CIMAP1D: variants seen among roughly 807,000 people sequenced by gnomAD.
CIMAP1D encodes the protein CIMAP1 family member D.
chr19:474,122 C>T, the CIMAP1D span, among the ~76,000 whole-genome samples: 2 of 152,156 alleles, frequency 1.3e-5, no homozygotes, highest in African/African-American at 4.8e-5. Context: ...GGAGAGACCA[C>T]AGAACCAGCC....
the CIMAP1D span, among the ~76,000 whole-genome samples, chr19:482,325 G>A: frequency 5.9e-5 from 9 of 152,218 alleles, no homozygotes; most frequent in African/African-American, 1.9e-4. Flanking sequence ...ACGCTGTGTC[G>A]GGCAGCACAG....
the CIMAP1D span, among the ~76,000 whole-genome samples, chr19:479,417 G>T: frequency 2.0e-5 from 3 of 147,648 alleles, no homozygotes; most frequent in Non-Finnish European, 1.5e-5. Context: ...TTTTTGGGGG[G>T]GGGGGGGATG....
At chr19:469,016 G>C in the CIMAP1D span, among the ~76,000 whole-genome samples, 1 of 152,068 alleles carries the variant, frequency 6.6e-6, no homozygotes, top group Non-Finnish European at 1.5e-5. Flanking sequence ...CACGGCTCCA[G>C]ACCTCCCCGC....
the CIMAP1D span, among the ~76,000 whole-genome samples, chr19:478,035 G>T: frequency 9.1e-4 from 139 of 152,264 alleles, no homozygotes; most frequent in African/African-American, 3.2e-3. Flanking sequence ...GGTCACGAGG[G>T]CCCCCAGCCC....
chr19:464,140 C>CGGGGGGGGTGGGGGGGGGG, the CIMAP1D span: 1 of 796,576 alleles, frequency 1.3e-6, no homozygotes, highest in South Asian at 4.0e-5. Context: ...GGGGGGCGGG[C>CGGGGGGGGTGGGGGGGGGG]GGGGGGGGTG....
chr19:466,448 G>C, the CIMAP1D span, among the ~76,000 whole-genome samples: 1 of 148,616 alleles, frequency 6.7e-6, no homozygotes, highest in Non-Finnish European at 1.5e-5. Flanking sequence ...TAGATGGCTG[G>C]ATGGGTGGGT....
chr19:482,969 T>G, the CIMAP1D span, among the ~76,000 whole-genome samples: 1 of 152,212 alleles, frequency 6.6e-6, no homozygotes, highest in South Asian at 2.1e-4. Flanking sequence ...TTAGACACTG[T>G]GTGGTCCCTG....
At chr19:467,409 C>T in the CIMAP1D span, among the ~76,000 whole-genome samples, 1 of 152,060 alleles carries the variant, frequency 6.6e-6, no homozygotes, top group Non-Finnish European at 1.5e-5. Context: ...GGCCAGCTGC[C>T]TCTGTGGCCA....
At chr19:474,347 G>T in the CIMAP1D span, among the ~76,000 whole-genome samples, 3 of 152,186 alleles carry the variant, frequency 2.0e-5, no homozygotes, top group Non-Finnish European at 4.4e-5. Context: ...CCGCATGATC[G>T]CTGTGGCTTT....
At chr19:476,980 G>A in the CIMAP1D span, among the ~76,000 whole-genome samples, 1 of 152,228 alleles carries the variant, frequency 6.6e-6, no homozygotes, top group African/African-American at 2.4e-5. Flanking sequence ...GCCAAGGCAA[G>A]CAGATTGCTT....
At chr19:480,707 AGAAGGAATGTGGG>A in the CIMAP1D span, among the ~76,000 whole-genome samples, 3 of 140,256 alleles carry the variant, frequency 2.1e-5, no homozygotes, top group South Asian at 2.4e-4. Context: ...ACGATGATGG[AGAAGGAATGTGGG>A]AAGGATGATG....
At chr19:478,685 G>C in the CIMAP1D span, among the ~76,000 whole-genome samples, 1 of 152,288 alleles carries the variant, frequency 6.6e-6, no homozygotes, top group Non-Finnish European at 1.5e-5. Context: ...CTCGACAGAA[G>C]AGACTAAATC....
chr19:479,826 A>G, the CIMAP1D span, among the ~76,000 whole-genome samples: 3,504 of 132,250 alleles, frequency 0.026, 65 homozygotes, highest in South Asian at 0.11. Flanking sequence ...GTGAGCCACC[A>G]TGCCCGGCCC....
At chr19:477,295 C>T in the CIMAP1D span, among the ~76,000 whole-genome samples, 1 of 152,158 alleles carries the variant, frequency 6.6e-6, no homozygotes, top group Non-Finnish European at 1.5e-5. Context: ...ATCCCTTGGC[C>T]GGGCACTGTG....
At chr19:467,130 G>A in the CIMAP1D span, among the ~76,000 whole-genome samples, 9 of 139,856 alleles carry the variant, frequency 6.4e-5, no homozygotes, top group Non-Finnish European at 7.7e-5. Flanking sequence ...GTGGATGGGC[G>A]GGTGGATAGA....
chr19:486,295 T>A, the CIMAP1D span, among the ~76,000 whole-genome samples: 1 of 152,154 alleles, frequency 6.6e-6, no homozygotes, highest in Non-Finnish European at 1.5e-5. Context: ...TCTGGCTGCG[T>A]TGGTCCCTCC....
the CIMAP1D span, among the ~76,000 whole-genome samples, chr19:481,050 GAAGGATGATGGA>G: frequency 3.4e-5 from 5 of 146,422 alleles, no homozygotes; most frequent in South Asian, 2.3e-4. Context: ...GGATGATGGG[GAAGGATGATGGA>G]AAGGATGATG....
chr19:480,431 TGGATGACAGGAA>T, the CIMAP1D span, among the ~76,000 whole-genome samples: 1 of 147,960 alleles, frequency 6.8e-6, no homozygotes, highest in Non-Finnish European at 1.5e-5. Flanking sequence ...ATGATGAGGA[TGGATGACAGGAA>T]GGATGATAGG....
At chr19:489,066 G>A in the CIMAP1D span, 52 of 152,244 alleles carry the variant, frequency 3.4e-4, no homozygotes, top group African/African-American at 1.2e-3. Flanking sequence ...CCGGCGCCCC[G>A]CGCTCCGCGG....
Sources: gnomAD v4.1 joint callset for allele counts (sites outside exome capture counted in the v4.1 genomes callset) on GRCh38, gnomAD v4.1.1 for gene constraint, MANE v1.5 for transcripts, NCBI Gene and HGNC (gene_info 2026-07-23, HGNC 2026-07-21) for gene names.